The following PLEKHD1 variants were observed in gnomAD, a reference collection of about 807,000 sequenced individuals.
The protein encoded by PLEKHD1 is pleckstrin homology and coiled-coil domain containing D1.
In PLEKHD1, 51 loss-of-function variants were observed where a neutral mutation model predicts 69.2. The observed-to-expected ratio is 0.74, with a 90% confidence interval of 0.59 to 0.93. The LOEUF (loss-of-function observed/expected upper bound fraction) is 0.93, where lower values mean the gene tolerates loss of function less well. Ranked by LOEUF, PLEKHD1 falls within the 40% of genes least tolerant of loss-of-function variation. The pLI, the probability that PLEKHD1 is intolerant of heterozygous loss-of-function variation, is 0.00. For missense variants in PLEKHD1, 584 were observed against 641.0 expected (o/e 0.91, Z 0.96); for synonymous variants, 236 against 244.7 (o/e 0.96, Z 0.33).
Position 69,530,610 on chromosome 14 carries a change from C to T in PLEKHD1, c.*2191C>T, listed in dbSNP as rs1256447397. 2 of 152,132 alleles carry T rather than the reference C, an allele frequency of 1.3e-5. No individual in the cohort carries two copies. Among genetic ancestry groups the T allele is most frequent in the African/African-American group, 4.8e-5 (2 of 41,416 alleles). The allele number at this position is 152,132 out of a possible 1,614,324, so 9.4% of individuals were successfully genotyped here. ...ACAGGAAAGTGCTAGTCTTCGTTTGCTTTGTACTGCTGTAACAGAATACCT... is the reference window on the plus strand; with the variant it reads ...ACAGGAAAGTGCTAGTCTTCGTTTGTTTTGTACTGCTGTAACAGAATACCT... On this transcript the variant is annotated 3_prime_UTR_variant, in exon 13 of 13. Coordinates refer to ENST00000322564, the MANE Select transcript of PLEKHD1 (RefSeq NM_001161498.2).
At chr14:69,481,525 T>C (rs554598471), upstream of PLEKHD1, among the ~76,000 whole-genome samples, 4 of 152,324 alleles carry the variant, frequency 2.6e-5, no homozygotes, top group African/African-American at 7.2e-5. Context: ...CACATGACAG[T>C]GTGCTGCAAG....
Position 69,500,160 on chromosome 14 carries a change from C to A in PLEKHD1, c.195C>A (p.Ser65Arg). The A allele has an allele frequency of 3.9e-6, 6 of 1,550,556 alleles. No homozygotes were observed. Among genetic ancestry groups the A allele is most frequent in the Non-Finnish European group, 5.2e-6 (6 of 1,146,190 alleles). ...KESFLLYYSE[S>R]EKKSFETNKY... is the part of the protein sequence containing the mutation. ...GCTTTCTGCTTTACTACTCTGAGAG[C>A]GAAAAAAAGAGCTTTGAAACCAATA... The change falls in exon 2 of 13, where the codon AGC becomes AGA. Residue 65 changes from serine (S) to arginine (R), a missense_variant. By Grantham distance (110) the Ser-to-Arg change is moderately radical. Coordinates refer to ENST00000322564, the MANE Select transcript of PLEKHD1 (RefSeq NM_001161498.2).
the PLEKHD1 span, among the ~76,000 whole-genome samples, chr14:69,469,881 C>G: frequency 6.6e-6 from 1 of 151,992 alleles, no homozygotes; most frequent in South Asian, 2.1e-4. Flanking sequence ...ACCTCCATGC[C>G]TGGCTAATTT....
intron 6 of PLEKHD1, among the ~76,000 whole-genome samples, chr14:69,512,134 T>G (rs1238268902): frequency 6.6e-6 from 1 of 152,208 alleles, no homozygotes; most frequent in Non-Finnish European, 1.5e-5. Context: ...GATTGTATCT[T>G]TCAAGGAGTT....
chr14:69,498,903 C>T (rs1057335156), intron 1 of PLEKHD1, among the ~76,000 whole-genome samples: 1 of 152,148 alleles, frequency 6.6e-6, no homozygotes, highest in African/African-American at 2.4e-5. Context: ...CCGCCTCAGC[C>T]TCCCAAAATG....
At chr14:69,500,520 C>T in intron 2 of PLEKHD1, 57 bp from the exon 3 acceptor site, 2 of 1,449,768 alleles carry the variant, frequency 1.4e-6, no homozygotes, top group Non-Finnish European at 1.9e-6. Context: ...GCCCCCAGAA[C>T]CCCTGAGTGA....
At chr14:69,514,358 G>T (rs953624494) in intron 6 of PLEKHD1, among the ~76,000 whole-genome samples, 2 of 150,994 alleles carry the variant, frequency 1.3e-5, no homozygotes, top group African/African-American at 4.9e-5. Flanking sequence ...GTCCAGTCTC[G>T]CAATGATCCC....
At chr14:69,479,139 C>T in the PLEKHD1 span, among the ~76,000 whole-genome samples, 4 of 152,242 alleles carry the variant, frequency 2.6e-5, no homozygotes, top group African/African-American at 9.6e-5. Flanking sequence ...GAAGAGAGCT[C>T]GTGCAGGGAA....
chr14:69,491,180 A>G (rs1323513279), intron 1 of PLEKHD1, among the ~76,000 whole-genome samples: 1 of 152,236 alleles, frequency 6.6e-6, no homozygotes, highest in African/African-American at 2.4e-5. Flanking sequence ...TTGCACAACC[A>G]GAGGTGGAAC....
chr14:69,521,453 G>A (rs1285759287), intron 6 of PLEKHD1, among the ~76,000 whole-genome samples: 6 of 152,218 alleles, frequency 3.9e-5, no homozygotes, highest in Admixed American at 3.9e-4. Flanking sequence ...AAGCCCCCAG[G>A]TGAAAATGAG....
chr14:69,474,859 C>T, the PLEKHD1 span, among the ~76,000 whole-genome samples: 1 of 152,168 alleles, frequency 6.6e-6, no homozygotes, highest in Non-Finnish European at 1.5e-5. Context: ...TCACCCCCTT[C>T]TTTTTTTAAA....
chr14:69,503,082 C>A, intron 6 of PLEKHD1: 3 of 590,108 alleles, frequency 5.1e-6, no homozygotes, highest in South Asian at 3.9e-5. Flanking sequence ...TCCTTACCAA[C>A]CCCTGGGAGT....
upstream of PLEKHD1, among the ~76,000 whole-genome samples, chr14:69,484,215 A>C (rs1882600316): frequency 6.6e-6 from 1 of 152,114 alleles, no homozygotes; most frequent in Non-Finnish European, 1.5e-5. Context: ...CTACCTGGCC[A>C]CCCGCCTGCC....
the PLEKHD1 span, among the ~76,000 whole-genome samples, chr14:69,468,114 A>G: frequency 6.6e-6 from 1 of 152,224 alleles, no homozygotes; most frequent in Non-Finnish European, 1.5e-5. Context: ...GAGGTCAGGC[A>G]TTCACATGTT....
At chr14:69,499,413 T>C (rs1882972211) in intron 1 of PLEKHD1, among the ~76,000 whole-genome samples, 1 of 152,166 alleles carries the variant, frequency 6.6e-6, no homozygotes, top group Admixed American at 6.5e-5. Flanking sequence ...GACCTTCCCC[T>C]AGAGGGTGCT....
intron 6 of PLEKHD1, among the ~76,000 whole-genome samples, chr14:69,508,042 A>C (rs1883190259): frequency 6.6e-6 from 1 of 152,176 alleles, no homozygotes; most frequent in South Asian, 2.1e-4. Context: ...TTGTTATTTT[A>C]ATTTGCAATT....
At chr14:69,474,506 C>T in the PLEKHD1 span, among the ~76,000 whole-genome samples, 1 of 152,178 alleles carries the variant, frequency 6.6e-6, no homozygotes, top group African/African-American at 2.4e-5. Flanking sequence ...TGTGCCCCAC[C>T]CGCCTTGAGA....
At chr14:69,522,586 T>A (rs974728678) in intron 7 of PLEKHD1, among the ~76,000 whole-genome samples, 1 of 152,030 alleles carries the variant, frequency 6.6e-6, no homozygotes, top group Non-Finnish European at 1.5e-5. Flanking sequence ...CCCAGATAAA[T>A]GGGGTCATTT....
rs891978734 is a variant in PLEKHD1, at chr14:69,522,314, C to A, written c.587C>A (p.Ala196Asp). The A allele has an allele frequency of 6.4e-7, 1 of 1,551,480 alleles. No homozygotes were observed. The highest frequency in any genetic ancestry group is 8.7e-7 in the Non-Finnish European group (1 of 1,146,894). ...GAGCGCCTTAACCAGGTGCTGGAGG[C>A]CGAGAAGCAGCAGTTCGAGGAGGTG... The part of the protein sequence containing the change: ...ELERLNQVLE[A>D]EKQQFEEVVQ... The change falls in exon 7 of 13, where the codon GCC becomes GAC. Residue 196 changes from alanine to aspartate, a missense_variant. By Grantham distance (126) the Ala-to-Asp change is moderately radical. Transcript: ENST00000322564.
Sources: gnomAD v4.1 joint callset for allele counts (sites outside exome capture counted in the v4.1 genomes callset) on GRCh38, gnomAD v4.1.1 for gene constraint, MANE v1.5 for transcripts, NCBI Gene and HGNC (gene_info 2026-07-23, HGNC 2026-07-21) for gene names.